The following TNKS variants were observed in gnomAD, a reference collection of about 807,000 sequenced individuals.
TNKS encodes the protein tankyrase.
A neutral mutation model predicts 135.8 loss-of-function variants in TNKS; 72 were observed. The observed-to-expected ratio is 0.53, with a 90% CI of 0.44 to 0.64. The LOEUF is 0.64. Ranked by LOEUF, TNKS falls within the 30% of genes least tolerant of loss-of-function variation. TNKS has a pLI of 0.00. For synonymous variants in TNKS, 849 were observed against 649.3 expected, an observed-to-expected ratio of 1.31 and a Z score of -4.68; for missense variants, 1,769 against 1,674.0, an observed-to-expected ratio of 1.06 and a Z score of -0.99.
intron 3 of TNKS, among the ~76,000 whole-genome samples, chr8:9,642,778 C>T (rs1477342631): frequency 6.9e-6 from 1 of 145,676 alleles, no homozygotes; most frequent in Non-Finnish European, 1.5e-5. Context: ...AATAAATGTA[C>T]ATACTTCAGA....
At chr8:9,578,084 A>G (rs1798025292) in intron 1 of TNKS, among the ~76,000 whole-genome samples, 1 of 152,180 alleles carries the variant, frequency 6.6e-6, no homozygotes. Context: ...CCACACCAAC[A>G]CAAGGGGTGG....
intron 11 of TNKS, among the ~76,000 whole-genome samples, chr8:9,717,102 T>TATATATATATATATATATATATATA (rs60792807): frequency 1.5e-3 from 180 of 122,748 alleles, no homozygotes; most frequent in Non-Finnish European, 2.1e-3. Context: ...TATATATATA[T>TATATATATATATATATATATATATA]TTTCAGGGAA....
intron 13 of TNKS, among the ~76,000 whole-genome samples, chr8:9,730,060 C>T (rs1349194828): frequency 6.6e-6 from 1 of 152,108 alleles, no homozygotes; most frequent in African/African-American, 2.4e-5. Flanking sequence ...CAGGCGTGAG[C>T]CAACGCACCT....
intron 3 of TNKS, among the ~76,000 whole-genome samples, chr8:9,651,567 C>G (rs1330504324): frequency 2.0e-5 from 3 of 152,120 alleles, no homozygotes. Flanking sequence ...ATTTGGGAAG[C>G]TGGGATCAGT....
chr8:9,763,791 A>G (rs775287027), intron 22 of TNKS, among the ~76,000 whole-genome samples: 35 of 152,176 alleles, frequency 2.3e-4, no homozygotes, highest in Non-Finnish European at 4.7e-4. Flanking sequence ...TGCTCCACTG[A>G]CGGCTTATGC....
At chr8:9,576,466 C>CTGTTT (rs1428099424) in intron 1 of TNKS, among the ~76,000 whole-genome samples, 2 of 131,478 alleles carry the variant, frequency 1.5e-5, no homozygotes, top group Non-Finnish European at 3.3e-5. Context: ...CCACCCCCCT[C>CTGTTT]TTTTTTTTTT....
At chr8:9,733,517 G>C (rs534434283) in intron 15 of TNKS, 73 bp downstream of exon 15, 4 of 1,320,210 alleles carry the variant, frequency 3.0e-6, no homozygotes, top group East Asian at 2.5e-5. Flanking sequence ...AAGTAAGTTG[G>C]GGTATGTTAT....
At position 9,717,847 on chromosome 8, in the gene TNKS, G is replaced by C. The variant is rs577867026; in HGVS notation, c.1750-2527G>C. On this transcript the variant is annotated intron_variant, in intron 11 of 26. Transcript: ENST00000310430. The stretch of plus-strand genomic sequence containing the variant: ...GAGGAATAAACAGTTATTTCTGTTG[G>C]TGGTGGCAGCCTGGGGAAGAGATTG... Among the ~76,000 whole-genome samples, 5 of 152,238 alleles carry C rather than the reference G, an allele frequency of 3.3e-5. No individual in the cohort carries two copies. In the East Asian group the frequency reaches 5.8e-4, roughly 18 times the overall value.
chr8:9,761,670 A>T (rs1278970772), intron 21 of TNKS, 34 bp downstream of exon 21: 2 of 1,578,798 alleles, frequency 1.3e-6, no homozygotes. Flanking sequence ...AAATTTCAGA[A>T]ATCAGTGGTA....
intron 26 of TNKS, among the ~76,000 whole-genome samples, chr8:9,772,104 G>C: frequency 6.8e-6 from 1 of 147,286 alleles, no homozygotes; most frequent in South Asian, 2.2e-4. Flanking sequence ...GGAGAAACAG[G>C]GAAGGACGGG....
At chr8:9,600,782 A>G (rs150528377) in intron 2 of TNKS, among the ~76,000 whole-genome samples, 7 of 152,272 alleles carry the variant, frequency 4.6e-5, no homozygotes, top group African/African-American at 1.4e-4. Flanking sequence ...TCACTTTTAT[A>G]TGAAAGACAA....
chr8:9,644,594 T>G (rs1327213364), intron 3 of TNKS, among the ~76,000 whole-genome samples: 1 of 152,184 alleles, frequency 6.6e-6, no homozygotes, highest in African/African-American at 2.4e-5. Context: ...TGGAACCTGT[T>G]TTAGTTTCTA....
rs1009606701 is a variant in TNKS at position 9,721,248 on chromosome 8, C to T, written c.1921+703C>T. Reference sequence around the variant, plus strand: ...AGTGAGCCGAGATCACGCCACTGCACTCCAGCCTGGAGACAGAGTGAAACT... The same window carrying T: ...AGTGAGCCGAGATCACGCCACTGCATTCCAGCCTGGAGACAGAGTGAAACT... On this transcript the variant is annotated intron_variant, in intron 12 of 26. Coordinates refer to ENST00000310430, the MANE Select transcript of TNKS (RefSeq NM_003747.3). Among the ~76,000 whole-genome samples, 12 of 143,348 alleles carry T rather than the reference C, an allele frequency of 8.4e-5. No individual in the cohort carries two copies. The South Asian group carries it at 2.2e-3, about 26-fold the overall frequency. 94.0% of individuals were successfully genotyped at this position (143,348 alleles called of 152,430 possible).
intron 3 of TNKS, among the ~76,000 whole-genome samples, chr8:9,676,187 G>T (rs1411720543): frequency 6.6e-6 from 1 of 151,204 alleles, no homozygotes; most frequent in African/African-American, 2.4e-5. Context: ...AATTTTTTGT[G>T]TTTTTAGTAG....
chr8:9,668,154 C>T (rs1003340056), intron 3 of TNKS, among the ~76,000 whole-genome samples: 3 of 152,150 alleles, frequency 2.0e-5, no homozygotes, highest in Non-Finnish European at 2.9e-5. Flanking sequence ...GGAATCATTT[C>T]TAAGAAATAA....
At position 9,751,844 on chromosome 8, in the gene TNKS, A is replaced by T; in HGVS notation, c.3068A>T (p.Glu1023Val). The T allele has an allele frequency of 6.2e-7, 1 of 1,613,930 alleles. No homozygotes were observed. Among genetic ancestry groups the T allele is most frequent in the Admixed American group, 1.7e-5 (1 of 60,022 alleles). ...GAAGTERKEG[E>V]VAGLDMNISQ... ...GCGGGAACAGAAAGGAAGGAAGGAG[A>T]AGGTGAGTAGACCCCATGAATGCTT... Residue 1023 changes from glutamate to valine, a missense_variant and splice_region_variant, in exon 19 of 27, where the codon GAA (glutamate) becomes GTA (valine). Glu to Val is a moderately radical substitution (Grantham distance 121, BLOSUM62 -2). Around this residue, in one of 5 missense-constraint regions of TNKS, gnomAD observed 722 missense variants for 688.9 expected, o/e 1.05. Coordinates refer to ENST00000310430, the MANE Select transcript of TNKS (RefSeq NM_003747.3).
rs34311181 is a variant in TNKS at position 9,698,374 on chromosome 8, G to GAAAAAAAAAAAAAAAAAAAAAA, written c.1108-6272_1108-6271insAAAAAAAAAAAAAAAAAAAAAA. Among the ~76,000 whole-genome samples, 28 of 98,756 alleles carry GAAAAAAAAAAAAAAAAAAAAAA rather than the reference G, an allele frequency of 2.8e-4. 1 individual carries two copies. Among genetic ancestry groups the GAAAAAAAAAAAAAAAAAAAAAA allele is most frequent in the South Asian group, 1.2e-3 (3 of 2,596 alleles). The allele number at this position is 98,756 out of a possible 152,430, so 64.8% of individuals were successfully genotyped here. On this transcript the variant is annotated intron_variant, in intron 5 of 26. Coordinates refer to ENST00000310430, the MANE Select transcript of TNKS (RefSeq NM_003747.3). ...GTATCTAAAAGTTAAATTTTAAAAT[G>GAAAAAAAAAAAAAAAAAAAAAA]AAAAAAAAAAAAAAAAAGCTTAAGT...
chr8:9,704,123 G>A (rs770066249), intron 5 of TNKS, among the ~76,000 whole-genome samples: 1 of 152,144 alleles, frequency 6.6e-6, no homozygotes, highest in African/African-American at 2.4e-5. Context: ...ACTAGCCGCC[G>A]TACAGAATGA....
intron 12 of TNKS, among the ~76,000 whole-genome samples, chr8:9,723,850 C>G (rs1805025570): frequency 6.6e-6 from 1 of 152,130 alleles, no homozygotes; most frequent in Admixed American, 6.5e-5. Context: ...GACCTGAATT[C>G]TTGCGATTGT....
Sources: allele counts gnomAD v4.1 joint callset (sites outside exome capture counted in the v4.1 genomes callset), GRCh38; gene constraint gnomAD v4.1.1; regional missense constraint gnomAD v4.1.1; transcripts MANE v1.5; gene names NCBI Gene and HGNC (gene_info 2026-07-23, HGNC 2026-07-21).